Variants in URB1 observed in about 807,000 individuals in gnomAD.
URB1 encodes the protein URB1 ribosome biogenesis factor, also known as nucleolar pre-ribosomal-associated protein 1.
URB1 carries 197 observed loss-of-function variants against 242.3 expected under a neutral mutation model. That is an observed-to-expected ratio of 0.81 (90% confidence interval 0.72 to 0.91). The LOEUF (loss-of-function observed/expected upper bound fraction) is 0.91, where lower values mean the gene tolerates loss of function less well. Among genes scored for constraint, URB1 ranks in the 40% least tolerant of loss-of-function variants. The probability of loss-of-function intolerance (pLI) is 0.00; values close to 1 mark genes in which losing one functional copy is unlikely to be tolerated. For synonymous variants in URB1, 1,153 were observed against 1,201.8 expected (o/e 0.96, Z 0.84); for missense variants, 2,721 against 2,860.5 (o/e 0.95, Z 1.11).
chr21:32,363,652 G>A (rs537090329), intron 10 of URB1, among the ~76,000 whole-genome samples: 5 of 152,158 alleles, frequency 3.3e-5, no homozygotes, highest in Admixed American at 3.3e-4. Context: ...GATCTCACCA[G>A]AACCCACTCT....
At chr21:32,336,334 T>C (rs190157133) in intron 28 of URB1, among the ~76,000 whole-genome samples, 4 of 152,272 alleles carry the variant, frequency 2.6e-5, no homozygotes, top group East Asian at 3.9e-4. Flanking sequence ...CAAGCTCTCC[T>C]GAACAATCTT....
chr21:32,347,212 CAG>C lies in URB1; in HGVS notation c.3610_3611del (p.Leu1204AlafsTer13). ...CGGGGGCCAGCACAGGGTCTCTCTG[CAG>C]AGTGTGGAGGAGCACTGTGTCCAGC... ...DELDTVLLHTLQRDPVLAPAV... is the reference protein window; with the variant it reads ...DELDTVLLHTXQRDPVLAPAV... On this transcript the variant is annotated frameshift_variant, in exon 22 of 39. Transcript: ENST00000382751. LOFTEE classifies it high-confidence loss of function. The C allele has an allele frequency of 6.4e-7, 1 of 1,550,530 alleles. No individual in the cohort carries two copies. Among genetic ancestry groups the C allele is most frequent in the Non-Finnish European group, 8.7e-7 (1 of 1,146,952 alleles).
Position 32,361,901 on chromosome 21 carries a change from G to A in URB1, c.1630C>T (p.His544Tyr), listed in dbSNP as rs1030224578. The A allele has an allele frequency of 6.4e-7, 1 of 1,551,110 alleles. No individual in the cohort carries two copies. Among genetic ancestry groups the A allele is most frequent in the African/African-American group, 1.4e-5 (1 of 73,032 alleles). The stretch of plus-strand genomic sequence containing the variant: ...ACCCCTGAGACCTTACCGCACTGGT[G>A]AGCATCGCAGGCAGCCGGGGGCCCA... ...SDGPPAACDAHQCDDAETILL... is the reference protein window; with the variant it reads ...SDGPPAACDAYQCDDAETILL... Residue 544 changes from histidine to tyrosine, a missense_variant, in exon 12 of 39, where the codon CAC becomes TAC. Coordinates refer to ENST00000382751, the MANE Select transcript of URB1 (RefSeq NM_014825.3).
intron 3 of URB1, 121 bp downstream of exon 3, chr21:32,384,192 C>T: frequency 8.0e-7 from 1 of 1,253,934 alleles, no homozygotes. Context: ...GTCACTGTGG[C>T]CTCGGAAATA....
intron 25 of URB1, among the ~76,000 whole-genome samples, chr21:32,339,393 C>T (rs118125726): frequency 2.6e-5 from 4 of 152,266 alleles, no homozygotes; most frequent in South Asian, 2.1e-4. Flanking sequence ...ACCACTGACA[C>T]GGCACTGCAT....
chr21:32,352,758 A>G lies in URB1; in HGVS notation c.2565T>C (p.Phe855=), dbSNP rs1303754586. The G allele has an allele frequency of 6.4e-7, 1 of 1,551,666 alleles. No homozygotes were observed. Among genetic ancestry groups the G allele is most frequent in the Non-Finnish European group, 8.7e-7 (1 of 1,146,984 alleles). The change falls in exon 19 of 39, where the codon TTT becomes TTC. Residue 855 remains phenylalanine (F), a synonymous_variant. Transcript: ENST00000382751. ...GGATCCAGAGGCTGTAGTATCTGTT[A>G]AACCGTGAGAGCTGCTGGCAGCAAG... ...LVPCCQQLSR[F]NRYYSLWIPE...
At chr21:32,347,951 C>T in intron 21 of URB1, 140 bp from the exon 22 acceptor site, 2 of 1,358,988 alleles carry the variant, frequency 1.5e-6, no homozygotes, top group African/African-American at 1.5e-5. Context: ...ATCCTCAAGC[C>T]TACATTTCCA....
chr21:32,363,549 T>C (rs2033312808), intron 10 of URB1, among the ~76,000 whole-genome samples: 1 of 152,188 alleles, frequency 6.6e-6, no homozygotes, highest in African/African-American at 2.4e-5. Flanking sequence ...CCACTAATGG[T>C]GGCATCCAGC....
intron 22 of URB1, 122 bp from the exon 23 acceptor site, chr21:32,345,697 CG>C: frequency 9.5e-7 from 1 of 1,051,624 alleles, no homozygotes; most frequent in Non-Finnish European, 1.3e-6. Context: ...GATGCCACAC[CG>C]GTGGCCTGAA....
chr21:32,348,624 A>C (rs1033340280), intron 21 of URB1, among the ~76,000 whole-genome samples: 3 of 152,206 alleles, frequency 2.0e-5, no homozygotes, highest in Non-Finnish European at 4.4e-5. Flanking sequence ...ATTTATTCTT[A>C]GGGAAGGAAA....
At position 32,349,254 on chromosome 21, in the gene URB1, C is replaced by T. The variant is rs1386709703; in HGVS notation, c.3012+50G>A. On this transcript the variant is annotated intron_variant, in intron 21 of 38. Transcript: ENST00000382751. ...TTTTTAATCAGAAGTGAAGAGAAAG[C>T]CACTGCCCATGACTCTGAGAATAGG... The T allele has an allele frequency of 3.4e-6, 5 of 1,453,110 alleles. No individual in the cohort carries two copies. The South Asian group carries it at 5.9e-5, about 17-fold the overall frequency. The allele number at this position is 1,453,110 out of a possible 1,614,324, so 90.0% of individuals were successfully genotyped here.
chr21:32,327,159 TTATATA>T (rs1025481420), intron 30 of URB1, among the ~76,000 whole-genome samples: 1 of 152,038 alleles, frequency 6.6e-6, no homozygotes, highest in African/African-American at 2.4e-5. Flanking sequence ...GCATATATAT[TTATATA>T]TAAAAGAAAA....
Position 32,325,374 on chromosome 21 carries a change from C to G in URB1, c.4976G>C (p.Cys1659Ser). 1 of 1,550,450 alleles carries G rather than the reference C, an allele frequency of 6.4e-7. No individual in the cohort carries two copies. The highest frequency in any genetic ancestry group is 8.7e-7 in the Non-Finnish European group (1 of 1,145,972). Reference protein sequence around the residue: ...ELTRPEFVVDCRKFLDSNALG... With the variant: ...ELTRPEFVVDSRKFLDSNALG... ...AGCATTTGAATCCAAAAATTTTCGA[C>G]AATCCACCACAAACTCTGCAGGAAA... The change falls in exon 31 of 39, where the codon TGT (cysteine) becomes TCT (serine). Residue 1659 changes from cysteine (C) to serine (S), a missense_variant. Coordinates refer to ENST00000382751, the MANE Select transcript of URB1 (RefSeq NM_014825.3).
At position 32,321,835 on chromosome 21, in the gene URB1, A is replaced by G. The variant is rs1368045032; in HGVS notation, c.5450T>C (p.Phe1817Ser). The G allele has an allele frequency of 2.6e-6, 4 of 1,551,730 alleles. No homozygotes were observed. The highest frequency in any genetic ancestry group is 1.4e-5 in the African/African-American group (1 of 73,176). Residue 1817 changes from phenylalanine (F) to serine (S), a missense_variant, in exon 34 of 39, where the codon TTC (phenylalanine) becomes TCC (serine). By Grantham distance (155) the Phe-to-Ser change is radical. Transcript: ENST00000382751. ...RRGIFHIILS[F>S]FHSPLCDEAA... ...CTCGTCACACAGCGGGCTGTGGAAG[A>G]AGGACAGGATGATGTGGAAGATGCC...
At chr21:32,324,902 T>A (rs186021262) in intron 31 of URB1, among the ~76,000 whole-genome samples, 362 of 152,302 alleles carry the variant, frequency 2.4e-3, no homozygotes, top group Non-Finnish European at 3.6e-3. Context: ...TTTCTAAGGT[T>A]CAGTGTGTCG....
Position 32,316,775 on chromosome 21 carries a change from C to T in URB1, c.6325G>A (p.Ala2109Thr). Residue 2109 changes from alanine to threonine, a missense_variant, in exon 38 of 39, where the codon GCC becomes ACC. Physicochemically the swap from Ala to Thr is moderately conservative, Grantham distance 58 (BLOSUM62 0). Coordinates refer to ENST00000382751, the MANE Select transcript of URB1 (RefSeq NM_014825.3). ...TCTGCCCTGCTGAGCGGGTGCTCGGCCACCGACCGCAGCACCCAACTGACT... is the reference window on the plus strand; with the variant it reads ...TCTGCCCTGCTGAGCGGGTGCTCGGTCACCGACCGCAGCACCCAACTGACT... ...LAVSWVLRSV[A>T]EHPLSRAEAA... The T allele has an allele frequency of 6.5e-7, 1 of 1,549,762 alleles. No homozygotes were observed. The highest frequency in any genetic ancestry group is 8.7e-7 in the Non-Finnish European group (1 of 1,145,940).
intron 5 of URB1, among the ~76,000 whole-genome samples, chr21:32,375,828 C>G (rs2033453345): frequency 6.6e-6 from 1 of 151,998 alleles, no homozygotes; most frequent in Admixed American, 6.6e-5. Context: ...CACCTGTAGT[C>G]TTACTGTAGT....
intron 19 of URB1, 84 bp downstream of exon 19, chr21:32,352,626 A>G (rs540310307): frequency 6.6e-7 from 1 of 1,504,652 alleles, no homozygotes; most frequent in East Asian, 2.5e-5. Context: ...TGGCTACCCA[A>G]CTGCACAGCT....
chr21:32,344,461 A>G (rs990753043), intron 24 of URB1, 109 bp downstream of exon 24: 22 of 1,244,794 alleles, frequency 1.8e-5, no homozygotes, highest in Middle Eastern at 1.9e-4. Context: ...CTCATTTCCT[A>G]CAGGGCCATA....
Sources: allele counts gnomAD v4.1 joint callset (sites outside exome capture counted in the v4.1 genomes callset), GRCh38; gene constraint gnomAD v4.1.1; transcripts MANE v1.5; gene names NCBI Gene and HGNC (gene_info 2026-07-23, HGNC 2026-07-21).